Variants in STARD13 observed in about 807,000 individuals in gnomAD.
STARD13 encodes the protein StAR related lipid transfer domain containing 13.
STARD13 carries 62 observed loss-of-function variants against 106.4 expected under a neutral mutation model. The observed-to-expected ratio is 0.58, with a 90% CI of 0.48 to 0.72. The LOEUF is 0.72. Among genes scored for constraint, STARD13 ranks in the 30% least tolerant of loss-of-function variants. The pLI, the probability that STARD13 is intolerant of heterozygous loss-of-function variation, is 0.00. For synonymous variants in STARD13, 565 were observed against 553.0 expected (o/e 1.02, Z -0.31); for missense variants, 1,387 against 1,424.0 (o/e 0.97, Z 0.42).
At chr13:33,656,275 A>G in the STARD13 span, among the ~76,000 whole-genome samples, 3 of 152,240 alleles carry the variant, frequency 2.0e-5, no homozygotes, top group Admixed American at 1.3e-4. Context: ...TGGATGGAAG[A>G]AAGGGAAAAG....
At chr13:33,363,447 C>A in the STARD13 span, among the ~76,000 whole-genome samples, 4 of 152,218 alleles carry the variant, frequency 2.6e-5, no homozygotes, top group Admixed American at 2.6e-4. Flanking sequence ...TCAGCAAAAT[C>A]TTTGCCATGT....
the STARD13 span, among the ~76,000 whole-genome samples, chr13:33,646,548 A>T: frequency 6.6e-6 from 1 of 152,204 alleles, no homozygotes; most frequent in Non-Finnish European, 1.5e-5. Context: ...AAAGTCAGGC[A>T]TGGTGTCTCT....
At chr13:33,634,206 A>G in the STARD13 span, among the ~76,000 whole-genome samples, 1 of 152,208 alleles carries the variant, frequency 6.6e-6, no homozygotes. Context: ...TATATCCCTG[A>G]GCTAAGAATT....
chr13:33,531,512 G>C, the STARD13 span, among the ~76,000 whole-genome samples: 1 of 152,146 alleles, frequency 6.6e-6, no homozygotes, highest in African/African-American at 2.4e-5. Flanking sequence ...GGTATGTCAA[G>C]CTGTTTGTCT....
the STARD13 span, among the ~76,000 whole-genome samples, chr13:33,620,627 T>G: frequency 2.0e-5 from 3 of 151,974 alleles, no homozygotes; most frequent in South Asian, 6.2e-4. Flanking sequence ...TTCACCAAGA[T>G]AAACTTTGTC....
the STARD13 span, among the ~76,000 whole-genome samples, chr13:33,434,438 A>G: frequency 6.6e-6 from 1 of 152,218 alleles, no homozygotes; most frequent in South Asian, 2.1e-4. Flanking sequence ...TTATTGAGCA[A>G]ATTAACATTT....
At chr13:33,656,057 T>A in the STARD13 span, among the ~76,000 whole-genome samples, 198 of 152,322 alleles carry the variant, frequency 1.3e-3, no homozygotes, top group Non-Finnish European at 2.4e-3. Flanking sequence ...GCAACTTCTC[T>A]CCTACTCCTT....
the STARD13 span, among the ~76,000 whole-genome samples, chr13:33,676,453 T>A: frequency 0.076 from 11,524 of 152,274 alleles, 900 homozygotes; most frequent in East Asian, 0.25. Flanking sequence ...CAAATCTACA[T>A]GACCGTTTCA....
chr13:33,501,078 CT>C, the STARD13 span, among the ~76,000 whole-genome samples: 678 of 94,084 alleles, frequency 7.2e-3, 1 homozygote, highest in Non-Finnish European at 0.01. Flanking sequence ...TCTCTCTCTC[CT>C]TTTTTTTTTT....
chr13:33,397,697 T>C, the STARD13 span, among the ~76,000 whole-genome samples: 133 of 152,270 alleles, frequency 8.7e-4, no homozygotes, highest in African/African-American at 3.1e-3. Context: ...TTCACAGGAA[T>C]TGGTACCTGT....
the STARD13 span, among the ~76,000 whole-genome samples, chr13:33,383,230 C>T: frequency 5.3e-3 from 801 of 152,278 alleles, 9 homozygotes; most frequent in African/African-American, 0.018. Context: ...ATACTACACA[C>T]GGAGAAGAAT....
upstream of STARD13, among the ~76,000 whole-genome samples, chr13:33,353,778 G>A (rs1373219498): frequency 2.0e-5 from 3 of 152,040 alleles, no homozygotes; most frequent in East Asian, 1.9e-4. Context: ...TCCTTCTCAC[G>A]GCATCCAGTT....
chr13:33,606,162 G>A, the STARD13 span, among the ~76,000 whole-genome samples: 20 of 152,266 alleles, frequency 1.3e-4, 1 homozygote, highest in East Asian at 3.9e-3. Flanking sequence ...TTAGCTGGGT[G>A]TAGTGGCAGG....
At chr13:33,416,456 TA>T in the STARD13 span, among the ~76,000 whole-genome samples, 2 of 152,182 alleles carry the variant, frequency 1.3e-5, no homozygotes, top group African/African-American at 4.8e-5. Flanking sequence ...TAGAAGAGCA[TA>T]ATGTGATTGA....
At chr13:33,140,626 C>CT (rs113618214) in intron 4 of STARD13, among the ~76,000 whole-genome samples, 15 of 151,170 alleles carry the variant, frequency 9.9e-5, no homozygotes, top group Admixed American at 2.6e-4. Context: ...ATTTGATCTT[C>CT]TTTTTTTTTG....
chr13:33,528,023 C>T, the STARD13 span, among the ~76,000 whole-genome samples: 1 of 150,962 alleles, frequency 6.6e-6, no homozygotes, highest in African/African-American at 2.4e-5. Context: ...CTAGCATAGA[C>T]TGAAAGTTGT....
intron 1 of STARD13, among the ~76,000 whole-genome samples, chr13:33,226,645 G>A (rs1888642434): frequency 6.6e-6 from 1 of 152,022 alleles, no homozygotes; most frequent in African/African-American, 2.4e-5. Flanking sequence ...ATGTTGGCCA[G>A]GCTGGTCTTG....
At chr13:33,407,597 G>A in the STARD13 span, among the ~76,000 whole-genome samples, 2 of 151,966 alleles carry the variant, frequency 1.3e-5, no homozygotes, top group Non-Finnish European at 2.9e-5. Flanking sequence ...GGGTTTTTTT[G>A]TCACAGCAGG....
intron 1 of STARD13, chr13:33,280,999 C>T (rs1325742301): frequency 6.6e-6 from 1 of 152,188 alleles, no homozygotes; most frequent in Non-Finnish European, 1.5e-5. Context: ...ATATATTCCA[C>T]ATAATAAAGC....
Sources: allele counts gnomAD v4.1 joint callset (sites outside exome capture counted in the v4.1 genomes callset), GRCh38; gene constraint gnomAD v4.1.1; transcripts MANE v1.5; gene names NCBI Gene and HGNC (gene_info 2026-07-23, HGNC 2026-07-21).